Variants in OR7E24 observed in about 807,000 individuals in gnomAD.
OR7E24 encodes olfactory receptor family 7 subfamily E member 24.
For synonymous variants in OR7E24, 130 were observed against 157.5 expected (o/e 0.83, Z 1.31); for missense variants, 385 against 410.3 (o/e 0.94, Z 0.53).
At chr19:9,226,304 C>T in the OR7E24 span, among the ~76,000 whole-genome samples, 30 of 152,206 alleles carry the variant, frequency 2.0e-4, no homozygotes, top group African/African-American at 6.3e-4. Flanking sequence ...AGTTTTGCCA[C>T]GAGAGTATAC....
At chr19:9,206,885 G>A in the OR7E24 span, 1 of 152,138 alleles carries the variant, frequency 6.6e-6, no homozygotes, top group Non-Finnish European at 1.5e-5. Context: ...CCTCACCTGG[G>A]GAGCTTACAA....
the OR7E24 span, chr19:9,235,500 C>T: frequency 1.3e-6 from 2 of 1,586,930 alleles, no homozygotes; most frequent in East Asian, 4.5e-5. Context: ...CTGTGATAGC[C>T]TATGACCGGT....
chr19:9,227,749 C>CTTTT, the OR7E24 span, among the ~76,000 whole-genome samples: 103 of 107,874 alleles, frequency 9.5e-4, 1 homozygote, highest in African/African-American at 1.9e-3. Flanking sequence ...AATGGTATTT[C>CTTTT]TTTTTTTTTT....
the OR7E24 span, among the ~76,000 whole-genome samples, chr19:9,221,794 G>C: frequency 8.5e-5 from 13 of 152,104 alleles, no homozygotes; most frequent in Non-Finnish European, 1.9e-4. Context: ...TCACTCTACT[G>C]TTTCCTTTGC....
At chr19:9,221,067 G>A in the OR7E24 span, among the ~76,000 whole-genome samples, 5 of 151,856 alleles carry the variant, frequency 3.3e-5, no homozygotes, top group South Asian at 8.3e-4. Flanking sequence ...AGGGTCAGGC[G>A]ATCGAGACCA....
upstream of OR7E24, among the ~76,000 whole-genome samples, chr19:9,246,090 T>A (rs3029662): frequency 0.15 from 14,352 of 97,234 alleles, 1,753 homozygotes; most frequent in African/African-American, 0.36. Flanking sequence ...TTTTTTTTTT[T>A]ATGGAGTCTT....
At chr19:9,230,711 G>T in the OR7E24 span, among the ~76,000 whole-genome samples, 1 of 152,142 alleles carries the variant, frequency 6.6e-6, no homozygotes, top group Admixed American at 6.5e-5. Context: ...TATCATTGTT[G>T]TTGTCATTAC....
At chr19:9,221,131 G>A in the OR7E24 span, among the ~76,000 whole-genome samples, 1 of 151,332 alleles carries the variant, frequency 6.6e-6, no homozygotes, top group South Asian at 2.1e-4. Flanking sequence ...AATTAGCCGG[G>A]CGTGGTGGCG....
chr19:9,242,911 A>G (rs1313813422), upstream of OR7E24, among the ~76,000 whole-genome samples: 1 of 140,712 alleles, frequency 7.1e-6, no homozygotes, highest in Non-Finnish European at 1.5e-5. Flanking sequence ...TTCTTCTCTC[A>G]TTCCCTCCTT....
At chr19:9,244,471 C>T (rs760773367), upstream of OR7E24, among the ~76,000 whole-genome samples, 17 of 152,176 alleles carry the variant, frequency 1.1e-4, no homozygotes, top group Non-Finnish European at 1.9e-4. Flanking sequence ...TTTCAACAAA[C>T]GGTGTAGGAA....
the OR7E24 span, among the ~76,000 whole-genome samples, chr19:9,223,360 C>G: frequency 6.6e-6 from 1 of 152,192 alleles, no homozygotes; most frequent in Non-Finnish European, 1.5e-5. Context: ...ATCAGGTGGC[C>G]AATGATAAAG....
the OR7E24 span, among the ~76,000 whole-genome samples, chr19:9,228,273 T>G: frequency 6.6e-6 from 1 of 152,240 alleles, no homozygotes; most frequent in Non-Finnish European, 1.5e-5. Flanking sequence ...TAGCACATTA[T>G]GATTTTTCTT....
chr19:9,218,736 A>G, the OR7E24 span, among the ~76,000 whole-genome samples: 2 of 152,090 alleles, frequency 1.3e-5, no homozygotes, highest in Admixed American at 6.6e-5. Flanking sequence ...TCAAGCAATT[A>G]TCCCATCTCA....
the OR7E24 span, among the ~76,000 whole-genome samples, chr19:9,232,115 T>C: frequency 4.6e-4 from 70 of 152,178 alleles, no homozygotes; most frequent in Middle Eastern, 0.017. Flanking sequence ...GCTGCAGACA[T>C]AGAAAAGCGG....
chr19:9,212,110 A>G, the OR7E24 span: 1 of 152,156 alleles, frequency 6.6e-6, no homozygotes, highest in East Asian at 1.9e-4. Context: ...GGTAGATGAA[A>G]CGTTTTGATA....
At chr19:9,250,475 A>G (rs1235093787), upstream of OR7E24, among the ~76,000 whole-genome samples, 1 of 152,228 alleles carries the variant, frequency 6.6e-6, no homozygotes, top group African/African-American at 2.4e-5. Context: ...AAGCCCACAT[A>G]TTTGAGTGAG....
At chr19:9,210,154 T>A in the OR7E24 span, 1 of 152,226 alleles carries the variant, frequency 6.6e-6, no homozygotes, top group East Asian at 1.9e-4. Flanking sequence ...TGTGCCCTCA[T>A]ATTTACCTCA....
chr19:9,245,941 C>A (rs2066128043), upstream of OR7E24, among the ~76,000 whole-genome samples: 1 of 151,744 alleles, frequency 6.6e-6, no homozygotes. Flanking sequence ...GGACTGGTGG[C>A]TGACTCTGGA....
chr19:9,250,197 C>A (rs530280749), upstream of OR7E24, among the ~76,000 whole-genome samples: 1 of 152,158 alleles, frequency 6.6e-6, no homozygotes, highest in African/African-American at 2.4e-5. Context: ...AGGGCTCAAG[C>A]GATTCTCCTG....
Sources: allele counts gnomAD v4.1 joint callset (sites outside exome capture counted in the v4.1 genomes callset), GRCh38; gene constraint gnomAD v4.1.1; transcripts MANE v1.5; gene names NCBI Gene and HGNC (gene_info 2026-07-23, HGNC 2026-07-21).